Variants in TDRD3 observed in about 807,000 individuals in gnomAD.
TDRD3 encodes the protein tudor domain-containing protein 3.
In TDRD3, 45 loss-of-function variants were observed where a neutral mutation model predicts 86.7. The ratio of observed to expected loss-of-function variants is 0.52; its 90% CI spans 0.41 to 0.67. The LOEUF (loss-of-function observed/expected upper bound fraction) is 0.67, where lower values mean the gene tolerates loss of function less well. TDRD3 is among the 30% of genes least tolerant of loss of function. The pLI, the probability that TDRD3 is intolerant of heterozygous loss-of-function variation, is 0.00. For synonymous variants in TDRD3, 298 were observed against 301.7 expected, an observed-to-expected ratio of 0.99 and a Z score of 0.13; for missense variants, 814 against 889.0, an observed-to-expected ratio of 0.92 and a Z score of 1.07.
Position 60,406,345 on chromosome 13 carries a change from G to T in TDRD3, c.41+8940G>T, listed in dbSNP as rs112119303. ...CAGATGTGCTATAAATGTAAAATAC[G>T]CACTGAATTTGGAAGACAGTACTAA... On this transcript the variant is annotated intron_variant, in intron 1 of 13. Coordinates refer to ENST00000377881, the MANE Select transcript of TDRD3 (RefSeq NM_001146070.2). Among the ~76,000 whole-genome samples the T allele has an allele frequency of 3.4e-3, 514 of 152,168 alleles. 4 individuals are homozygous for T. Among genetic ancestry groups the T allele is most frequent in the African/African-American group, 0.012 (490 of 41,516 alleles).
chr13:60,522,414 A>G (rs538433473), intron 10 of TDRD3, among the ~76,000 whole-genome samples: 78 of 152,336 alleles, frequency 5.1e-4, no homozygotes, highest in African/African-American at 1.6e-3. Flanking sequence ...TGTGTCATCA[A>G]TTAAGTTTAT....
intron 13 of TDRD3, among the ~76,000 whole-genome samples, chr13:60,570,164 A>G (rs55993525): frequency 0.14 from 20,777 of 152,256 alleles, 1,663 homozygotes; most frequent in South Asian, 0.2. Flanking sequence ...CAAACTATCC[A>G]TCTGACAAGC....
chr13:60,553,974 G>A lies in TDRD3; in HGVS notation c.2119-13551G>A, dbSNP rs143523519. Among the ~76,000 whole-genome samples, 85 of 152,180 alleles carry A rather than the reference G, an allele frequency of 5.6e-4. No individual in the cohort carries two copies. In the East Asian group the frequency reaches 0.012, roughly 21 times the overall value. Reference sequence around the variant, plus strand: ...GTTTTTCTCACAGAATGAAAGAACCGTGCTCCTTTAAGATAACAATATTGG... The same window carrying A: ...GTTTTTCTCACAGAATGAAAGAACCATGCTCCTTTAAGATAACAATATTGG... On this transcript the variant is annotated intron_variant, in intron 12 of 13. Coordinates refer to ENST00000377881, the MANE Select transcript of TDRD3 (RefSeq NM_001146070.2).
At chr13:60,395,835 C>T (rs1953885756), upstream of TDRD3, among the ~76,000 whole-genome samples, 1 of 152,156 alleles carries the variant, frequency 6.6e-6, no homozygotes, top group African/African-American at 2.4e-5. Context: ...CTGTAGCATA[C>T]GTATGACTTA....
chr13:60,561,690 T>G (rs193096994), intron 12 of TDRD3, among the ~76,000 whole-genome samples: 10 of 152,336 alleles, frequency 6.6e-5, no homozygotes, highest in Admixed American at 5.2e-4. Flanking sequence ...TTACCCTCAT[T>G]ACTGGGTACC....
In TDRD3 at chr13:60,567,521, A is replaced by C; in HGVS notation, c.2119-4A>C. ...CATGTAAAATCACTACTCTTTGCAA[A>C]TAGGAGGAAGAAGGCACCTACGATC... On this transcript the variant is annotated splice_polypyrimidine_tract_variant and splice_region_variant and intron_variant, in intron 12 of 13. Coordinates refer to ENST00000377881, the MANE Select transcript of TDRD3 (RefSeq NM_001146070.2). The C allele has an allele frequency of 6.2e-7, 1 of 1,614,106 alleles. No homozygotes were observed. Among genetic ancestry groups the C allele is most frequent in the Non-Finnish European group, 8.5e-7 (1 of 1,180,016 alleles).
chr13:60,415,602 A>G (rs1350623281), intron 1 of TDRD3, among the ~76,000 whole-genome samples: 2 of 152,166 alleles, frequency 1.3e-5, no homozygotes, highest in Non-Finnish European at 2.9e-5. Context: ...AAAGAATATG[A>G]GAATTTTGAA....
chr13:60,422,302 C>CT (rs1489327276), intron 1 of TDRD3, among the ~76,000 whole-genome samples: 1 of 152,148 alleles, frequency 6.6e-6, no homozygotes, highest in East Asian at 1.9e-4. Context: ...AAACCAACCA[C>CT]TTCATTAAAG....
chr13:60,421,688 A>G (rs144884403), intron 1 of TDRD3, among the ~76,000 whole-genome samples: 4 of 152,204 alleles, frequency 2.6e-5, no homozygotes, highest in Non-Finnish European at 4.4e-5. Flanking sequence ...GAGCACAGAG[A>G]ATGTGGAAAC....
chr13:60,557,151 A>G (rs1391136980), intron 12 of TDRD3, among the ~76,000 whole-genome samples: 1 of 146,906 alleles, frequency 6.8e-6, no homozygotes, highest in Non-Finnish European at 1.5e-5. Flanking sequence ...GCTTGCGGTG[A>G]GCCGAGATTG....
intron 3 of TDRD3, among the ~76,000 whole-genome samples, chr13:60,459,436 C>G (rs937026429): frequency 6.6e-6 from 1 of 152,166 alleles, no homozygotes; most frequent in Non-Finnish European, 1.5e-5. Flanking sequence ...TGAAATTTGG[C>G]CAACACATAT....
At chr13:60,539,784 C>A (rs1957771586) in intron 12 of TDRD3, among the ~76,000 whole-genome samples, 1 of 151,714 alleles carries the variant, frequency 6.6e-6, no homozygotes, top group Non-Finnish European at 1.5e-5. Context: ...AAAAATAGAA[C>A]CTTCCATAAT....
chr13:60,396,249 C>T (rs1411059288), upstream of TDRD3, among the ~76,000 whole-genome samples: 9 of 152,334 alleles, frequency 5.9e-5, no homozygotes, highest in East Asian at 1.7e-3. Context: ...GGGGACGCTG[C>T]CCCTTAGAAG....
intron 10 of TDRD3, among the ~76,000 whole-genome samples, chr13:60,524,272 G>T (rs1050467379): frequency 6.6e-6 from 1 of 151,988 alleles, no homozygotes; most frequent in Non-Finnish European, 1.5e-5. Flanking sequence ...TAGGGAGACC[G>T]AGGGCGGGTG....
At chr13:60,414,996 A>G (rs1954463660) in intron 1 of TDRD3, among the ~76,000 whole-genome samples, 1 of 152,098 alleles carries the variant, frequency 6.6e-6, no homozygotes, top group Admixed American at 6.6e-5. Context: ...AGTCTTGAGT[A>G]AAATATAGGA....
chr13:60,476,757 T>C (rs1468869960), intron 5 of TDRD3, among the ~76,000 whole-genome samples: 2 of 152,176 alleles, frequency 1.3e-5, no homozygotes, highest in Non-Finnish European at 2.9e-5. Flanking sequence ...GTAATTCTCA[T>C]TGTAGAGATC....
At chr13:60,424,393 TCTGG>T (rs1223939981) in intron 1 of TDRD3, among the ~76,000 whole-genome samples, 3 of 151,908 alleles carry the variant, frequency 2.0e-5, no homozygotes, top group Non-Finnish European at 4.4e-5. Context: ...AGTGTACAGT[TCTGG>T]CTGGGCGCAG....
intron 3 of TDRD3, among the ~76,000 whole-genome samples, chr13:60,446,152 A>G (rs563900219): frequency 6.6e-6 from 1 of 152,054 alleles, no homozygotes; most frequent in Non-Finnish European, 1.5e-5. Context: ...CATTGATTAT[A>G]TTTTTTCCTT....
chr13:60,458,954 A>G (rs1955740648), intron 3 of TDRD3, among the ~76,000 whole-genome samples: 2 of 152,218 alleles, frequency 1.3e-5, no homozygotes, highest in African/African-American at 4.8e-5. Flanking sequence ...AGCCAAATAA[A>G]AAGTTCATCC....
Sources: gnomAD v4.1 joint callset for allele counts (sites outside exome capture counted in the v4.1 genomes callset) on GRCh38, gnomAD v4.1.1 for gene constraint, MANE v1.5 for transcripts, NCBI Gene and HGNC (gene_info 2026-07-23, HGNC 2026-07-21) for gene names.